The following WDR19 variants were observed in gnomAD, a reference collection of about 807,000 sequenced individuals.
The protein encoded by WDR19 is WD repeat-containing protein 19.
A neutral mutation model predicts 180.0 loss-of-function variants in WDR19; 121 were observed. The observed-to-expected ratio is 0.67, with a 90% CI of 0.58 to 0.78. The LOEUF (loss-of-function observed/expected upper bound fraction) is 0.78. Ranked by LOEUF, WDR19 falls within the 30% of genes least tolerant of loss-of-function variation. The pLI is 0.00. For missense variants in WDR19, 1,450 were observed against 1,640.7 expected, an observed-to-expected ratio of 0.88 and a Z score of 2.01; for synonymous variants, 497 against 540.7, an observed-to-expected ratio of 0.92 and a Z score of 1.12.
chr4:39,218,191 T>G, intron 14 of WDR19, 86 bp downstream of exon 14: 2 of 1,454,720 alleles, frequency 1.4e-6, no homozygotes, highest in Non-Finnish European at 1.9e-6. Flanking sequence ...CCTACCAGTC[T>G]TTTTTCTATA....
intron 36 of WDR19, among the ~76,000 whole-genome samples, chr4:39,282,508 C>G (rs1004196137): frequency 1.3e-5 from 2 of 152,134 alleles, no homozygotes; most frequent in African/African-American, 2.4e-5. Context: ...AGTGATTCTC[C>G]TGCCTCAGCC....
intron 3 of WDR19, among the ~76,000 whole-genome samples, chr4:39,189,194 G>A (rs1259550604): frequency 6.6e-6 from 1 of 152,122 alleles, no homozygotes; most frequent in Non-Finnish European, 1.5e-5. Flanking sequence ...AAAGTGCTGG[G>A]ATTACAGGTG....
intron 29 of WDR19, 77 bp downstream of exon 29, chr4:39,266,217 CT>C: frequency 7.6e-7 from 1 of 1,316,156 alleles, no homozygotes; most frequent in Non-Finnish European, 1.0e-6. Context: ...ACCCATCATG[CT>C]TTTACAACAT....
chr4:39,264,472 C>T (rs1208547208), intron 28 of WDR19, among the ~76,000 whole-genome samples: 1 of 152,208 alleles, frequency 6.6e-6, no homozygotes, highest in Admixed American at 6.5e-5. Context: ...AGAGCCTCTG[C>T]ACCTGCAGGT....
chr4:39,274,576 T>C (rs949781036), intron 32 of WDR19: 15 of 512,134 alleles, frequency 2.9e-5, no homozygotes, highest in Non-Finnish European at 4.5e-5. Flanking sequence ...CAGGTCCTAG[T>C]GTTACAAGGC....
chr4:39,185,783 C>T lies in WDR19; in HGVS notation c.64C>T (p.Gln22Ter). The change falls in exon 2 of 37, where the codon CAA (glutamine) becomes TAA (stop). Residue 22 changes from glutamine (Q) to a stop codon, truncating the protein, a stop_gained. Coordinates refer to ENST00000399820, the MANE Select transcript of WDR19 (RefSeq NM_025132.4). LOFTEE classifies it high-confidence loss of function. ...TGGCGCACCAATACAGTTTGCCTGG[C>T]AAAAAACATCAGGAAACTACCTTGC... is the stretch of plus-strand genomic sequence containing the variant. ...WLGAPIQFAW[Q>*]KTSGNYLAVT... is the part of the protein sequence containing the mutation. 6.4e-7 allele frequency: 1 copy of T among 1,556,084 alleles called. No individual in the cohort carries two copies. The highest frequency in any genetic ancestry group is 8.7e-7 in the Non-Finnish European group (1 of 1,149,252).
At chr4:39,228,070 C>T in intron 15 of WDR19, 140 bp from the exon 16 acceptor site, 1 of 812,758 alleles carries the variant, frequency 1.2e-6, no homozygotes, top group Non-Finnish European at 1.8e-6. Flanking sequence ...AACTTTCTTT[C>T]CTGTTGTTGT....
Position 39,203,698 on chromosome 4 carries a change from C to T in WDR19, c.579C>T (p.Asp193=). The T allele has an allele frequency of 1.2e-6, 2 of 1,612,516 alleles. No individual in the cohort carries two copies. Among genetic ancestry groups the T allele is most frequent in the Admixed American group, 3.3e-5 (2 of 59,880 alleles). Residue 193 remains aspartate (D), a synonymous_variant, in exon 7 of 37, where the codon GAC becomes GAT. Transcript: ENST00000399820. ...AGTTTTTCTTGATGAAGATGGATGA[C>T]CGAACCTCTGCTGCTGAAAGCATGG... ...NMQFFLMKMD[D]RTSAAESMIS...
At chr4:39,195,605 C>T (rs577693064) in intron 5 of WDR19, among the ~76,000 whole-genome samples, 3 of 152,190 alleles carry the variant, frequency 2.0e-5, no homozygotes, top group Non-Finnish European at 2.9e-5. Flanking sequence ...CATCTGCCCT[C>T]TGAATAGCCA....
intron 36 of WDR19, among the ~76,000 whole-genome samples, chr4:39,282,744 T>G (rs1206001194): frequency 6.6e-6 from 1 of 152,200 alleles, no homozygotes; most frequent in African/African-American, 2.4e-5. Context: ...TTTTGTTAAA[T>G]TTATTTCTAA....
chr4:39,187,674 G>A (rs1156566409), intron 3 of WDR19, among the ~76,000 whole-genome samples: 1 of 152,116 alleles, frequency 6.6e-6, no homozygotes, highest in Non-Finnish European at 1.5e-5. Context: ...GATCAAAGAA[G>A]CTATAATTAT....
In WDR19 at chr4:39,247,084, C is replaced by T. The variant is rs574411357; in HGVS notation, c.2729+1632C>T. Among the ~76,000 whole-genome samples, 5 of 152,360 alleles carry T rather than the reference C, an allele frequency of 3.3e-5. No individual in the cohort carries two copies. The East Asian group carries it at 9.6e-4, about 29-fold the overall frequency. On this transcript the variant is annotated intron_variant, in intron 24 of 36. Coordinates refer to ENST00000399820, the MANE Select transcript of WDR19 (RefSeq NM_025132.4). ...AGTGGGTCCCTGACCCCTGAGTAGC[C>T]TAACTGGGAGGCACCCCCCAGTAGG...
At chr4:39,242,886 T>C (rs55990370) in intron 21 of WDR19, among the ~76,000 whole-genome samples, 2,121 of 152,224 alleles carry the variant, frequency 0.014, 21 homozygotes, top group South Asian at 0.03. Context: ...CAGGCTGGTC[T>C]TGAACTCCTG....
chr4:39,278,222 C>T lies in WDR19; in HGVS notation c.3917+15C>T, dbSNP rs377597948. ...GAATTGAAGATGTAAGTGTGCATCA[C>T]GTCACTCAGTCTCACTGATTTCTCC... On this transcript the variant is annotated intron_variant, in intron 35 of 36. Coordinates refer to ENST00000399820, the MANE Select transcript of WDR19 (RefSeq NM_025132.4). The T allele has an allele frequency of 2.1e-5, 34 of 1,587,488 alleles. No individual in the cohort carries two copies. Among genetic ancestry groups the T allele is most frequent in the African/African-American group, 1.9e-4 (14 of 74,312 alleles).
At chr4:39,214,485 G>T in intron 9 of WDR19, 116 bp from the exon 10 acceptor site, 1 of 610,498 alleles carries the variant, frequency 1.6e-6, no homozygotes, top group South Asian at 2.2e-5. Flanking sequence ...AGATCATTCT[G>T]TACATCACAT....
chr4:39,278,301 G>GTT (rs2109525600), intron 35 of WDR19, 94 bp downstream of exon 35: 1 of 1,239,114 alleles, frequency 8.1e-7, no homozygotes, highest in East Asian at 2.5e-5. Context: ...TTCTATTTGT[G>GTT]TTCCTAAGGA....
intron 31 of WDR19, among the ~76,000 whole-genome samples, chr4:39,272,762 G>A (rs1020165270): frequency 5.9e-5 from 9 of 152,218 alleles, no homozygotes; most frequent in African/African-American, 1.9e-4. Context: ...AGGGCAAAGT[G>A]AAAAGCAGAG....
chr4:39,271,649 A>T (rs985680777), intron 31 of WDR19, among the ~76,000 whole-genome samples: 4 of 152,234 alleles, frequency 2.6e-5, no homozygotes, highest in Non-Finnish European at 5.9e-5. Flanking sequence ...CTCTGTAAAG[A>T]TACAGGCAGA....
rs182092367 is a variant in WDR19, at chr4:39,203,624, A to G, written c.523-18A>G. On this transcript the variant is annotated intron_variant, in intron 6 of 36. Coordinates refer to ENST00000399820, the MANE Select transcript of WDR19 (RefSeq NM_025132.4). The stretch of plus-strand genomic sequence containing the variant: ...AATATTGGGTTTGTTCATAGTGATG[A>G]TGTTTTTACTCCTTTAGACACAAGT... 54 of 1,599,214 alleles carry G rather than the reference A, an allele frequency of 3.4e-5. No homozygotes were observed. In the African/African-American group the frequency reaches 6.5e-4, roughly 19 times the overall value.
Sources: allele counts gnomAD v4.1 joint callset (sites outside exome capture counted in the v4.1 genomes callset), GRCh38; gene constraint gnomAD v4.1.1; transcripts MANE v1.5; gene names NCBI Gene and HGNC (gene_info 2026-07-23, HGNC 2026-07-21).